PARD6G: variants seen among roughly 807,000 people sequenced by gnomAD.
PARD6G encodes the protein partitioning defective 6 homolog gamma.
In PARD6G, 7 loss-of-function variants were observed where a neutral mutation model predicts 10.7. The observed-to-expected ratio is 0.66, with a 90% confidence interval of 0.37 to 1.23. The LOEUF (loss-of-function observed/expected upper bound fraction) is 1.23. PARD6G is among the 50% of genes most tolerant of loss of function. The pLI is 0.02. For synonymous variants in PARD6G, 287 were observed against 269.4 expected (o/e 1.07, Z -0.64); for missense variants, 548 against 571.8 (o/e 0.96, Z 0.42).
At chr18:80,227,420 G>A (rs1226502097) in intron 1 of PARD6G, among the ~76,000 whole-genome samples, 1 of 152,190 alleles carries the variant, frequency 6.6e-6, no homozygotes, top group Non-Finnish European at 1.5e-5. Context: ...CATTGCATTT[G>A]CCATAATCTT....
rs1453143843 is a variant in PARD6G at position 80,227,275 on chromosome 18, C to G, written c.72+20002G>C. Among the ~76,000 whole-genome samples, 7 of 152,150 alleles carry G rather than the reference C, an allele frequency of 4.6e-5. No individual in the cohort carries two copies. The South Asian group carries it at 6.2e-4, about 14-fold the overall frequency. ...GCTTGACCAGTTTTAAAATAAAACT[C>G]TAGAATTTTATTAAACTGACATTGG... On this transcript the variant is annotated intron_variant, in intron 1 of 2. Transcript: ENST00000353265.
intron 1 of PARD6G, among the ~76,000 whole-genome samples, chr18:80,229,293 A>C (rs1967332779): frequency 2.0e-5 from 3 of 152,194 alleles, no homozygotes; most frequent in Admixed American, 2.0e-4. Flanking sequence ...CAATATAGTA[A>C]ATTTAAAAAC....
intron 2 of PARD6G, among the ~76,000 whole-genome samples, chr18:80,195,893 C>CTT (rs34999890): frequency 6.3e-4 from 91 of 145,364 alleles, no homozygotes; most frequent in Non-Finnish European, 1.0e-3. Flanking sequence ...AAAAAGTAAA[C>CTT]TTTTTTTTTT....
intron 1 of PARD6G, among the ~76,000 whole-genome samples, chr18:80,243,531 G>A (rs532542242): frequency 1.3e-5 from 2 of 152,270 alleles, no homozygotes; most frequent in South Asian, 2.1e-4. Context: ...CACTGTGTTA[G>A]CTTAGAATCC....
chr18:80,168,418 AC>A (rs1488270214), intron 2 of PARD6G, among the ~76,000 whole-genome samples: 5 of 152,164 alleles, frequency 3.3e-5, no homozygotes, highest in African/African-American at 1.2e-4. Context: ...TTTCTAAAAT[AC>A]CTTTTTACAA....
chr18:80,223,596 C>T (rs1318231492), intron 1 of PARD6G, among the ~76,000 whole-genome samples: 12 of 152,268 alleles, frequency 7.9e-5, no homozygotes, highest in Non-Finnish European at 1.5e-5. Context: ...GGAATCTTAA[C>T]CCTCACACAT....
chr18:80,212,872 G>C (rs113669919), intron 1 of PARD6G, among the ~76,000 whole-genome samples: 1 of 148,602 alleles, frequency 6.7e-6, no homozygotes, highest in Admixed American at 6.7e-5. Context: ...GCAACAGAGC[G>C]AGACCCCATC....
chr18:80,172,664 C>T (rs1369825910), intron 2 of PARD6G, among the ~76,000 whole-genome samples: 2 of 152,192 alleles, frequency 1.3e-5, no homozygotes, highest in Non-Finnish European at 1.5e-5. Context: ...GGATTACAGA[C>T]ATGCACCACC....
chr18:80,244,846 C>T (rs1046977004), intron 1 of PARD6G, among the ~76,000 whole-genome samples: 16 of 152,088 alleles, frequency 1.1e-4, no homozygotes, highest in African/African-American at 2.9e-4. Context: ...GAGATAGATG[C>T]TACAGTAACA....
chr18:80,211,544 A>T (rs1167799467), intron 1 of PARD6G, among the ~76,000 whole-genome samples: 1 of 152,256 alleles, frequency 6.6e-6, no homozygotes, highest in African/African-American at 2.4e-5. Flanking sequence ...CATATGATCC[A>T]GCATTCTACC....
rs1599848884 is a variant in PARD6G, at chr18:80,175,598, C to T, written c.296-14992G>A. 6.6e-6 allele frequency among the ~76,000 whole-genome samples: 1 copy of T among 152,230 alleles called. No individual in the cohort carries two copies. Among genetic ancestry groups the T allele is most frequent in the East Asian group, 1.9e-4 (1 of 5,204 alleles). On this transcript the variant is annotated intron_variant, in intron 2 of 2. Transcript: ENST00000353265. The surrounding 1 kb of genome is among the most constrained non-coding windows in gnomAD (Gnocchi z 6.7). ...GACATCAGAACCTGGGGTGACGTAT[C>T]GATTCAGTGCACTACGCACACTGTT... is the stretch of plus-strand genomic sequence containing the variant.
At chr18:80,241,142 C>G (rs567780285) in intron 1 of PARD6G, among the ~76,000 whole-genome samples, 1 of 152,202 alleles carries the variant, frequency 6.6e-6, no homozygotes, top group Non-Finnish European at 1.5e-5. Flanking sequence ...CAGATTCAGA[C>G]AGCTGAGGGA....
At chr18:80,240,077 T>C (rs962544124) in intron 1 of PARD6G, among the ~76,000 whole-genome samples, 1 of 152,170 alleles carries the variant, frequency 6.6e-6, no homozygotes, top group African/African-American at 2.4e-5. Flanking sequence ...AAGAACTCAC[T>C]CATTACCATG....
At chr18:80,243,866 A>G (rs955672719) in intron 1 of PARD6G, among the ~76,000 whole-genome samples, 1 of 152,174 alleles carries the variant, frequency 6.6e-6, no homozygotes, top group Non-Finnish European at 1.5e-5. Flanking sequence ...GGCCGAGGGC[A>G]TGAGCAGCGG....
At chr18:80,166,275 T>A (rs2052735521) in intron 2 of PARD6G, among the ~76,000 whole-genome samples, 1 of 150,924 alleles carries the variant, frequency 6.6e-6, no homozygotes, top group Admixed American at 6.6e-5. Flanking sequence ...ACCCCAATCA[T>A]GAGTGTGTTC....
intron 2 of PARD6G, among the ~76,000 whole-genome samples, chr18:80,195,548 C>CGTATATATATATATATATATATATAT (rs1966944173): frequency 1.2e-5 from 1 of 82,214 alleles, no homozygotes; most frequent in South Asian, 5.5e-4. Context: ...TTCAAAGATA[C>CGTATATATATATATATATATATATAT]ATATATATAT....
Position 80,202,656 on chromosome 18 carries a change from A to G in PARD6G, c.295+54T>C. 5 of 1,512,292 alleles carry G rather than the reference A, an allele frequency of 3.3e-6. No homozygotes were observed. The South Asian group carries it at 5.7e-5, about 17-fold the overall frequency. 93.7% of individuals were successfully genotyped at this position (1,512,292 alleles called of 1,614,324 possible). A position where few individuals can be genotyped will look rare whatever the true frequency, so the allele number is the denominator to read the frequency against. On this transcript the variant is annotated intron_variant, in intron 2 of 2. Coordinates refer to ENST00000353265, the MANE Select transcript of PARD6G (RefSeq NM_032510.4). Reference sequence around the variant, plus strand: ...AATGACAGAAAAAATTGAAAACTGTATTTTAAAAATGATTTCTCAACAAGA... The same window carrying G: ...AATGACAGAAAAAATTGAAAACTGTGTTTTAAAAATGATTTCTCAACAAGA...
chr18:80,174,709 C>G (rs2052797737), intron 2 of PARD6G, among the ~76,000 whole-genome samples: 1 of 152,018 alleles, frequency 6.6e-6, no homozygotes, highest in Non-Finnish European at 1.5e-5. Flanking sequence ...AATCCCAGCA[C>G]TTTGGGAGGC....
intron 1 of PARD6G, among the ~76,000 whole-genome samples, chr18:80,232,987 G>A (rs1283260515): frequency 6.6e-6 from 1 of 152,122 alleles, no homozygotes; most frequent in South Asian, 2.1e-4. Flanking sequence ...AGGGACCTGG[G>A]GCTGCTCATC....
Sources: allele counts gnomAD v4.1 joint callset (sites outside exome capture counted in the v4.1 genomes callset), GRCh38; gene constraint gnomAD v4.1.1; non-coding constraint Gnocchi (gnomAD v3.1); transcripts MANE v1.5; gene names NCBI Gene and HGNC (gene_info 2026-07-23, HGNC 2026-07-21).